Variants in SCN8A observed in about 807,000 individuals in gnomAD.
SCN8A encodes the protein sodium voltage-gated channel alpha subunit 8, also known as sodium channel protein type 8 subunit alpha.
Under a neutral mutation model 184.1 loss-of-function variants are expected in SCN8A, and 30 were observed. The ratio of observed to expected loss-of-function variants is 0.16; its 90% CI spans 0.12 to 0.22. The LOEUF is 0.22. Among genes scored for constraint, SCN8A ranks in the 10% least tolerant of loss-of-function variants. The probability of loss-of-function intolerance (pLI) is 1.00; values close to 1 mark genes in which losing one functional copy is unlikely to be tolerated. For missense variants in SCN8A, 1,057 were observed against 2,498.9 expected (o/e 0.42, Z 12.30); for synonymous variants, 852 against 907.0 (o/e 0.94, Z 1.09).
chr12:51,677,251 AT>A (rs1005916389), intron 2 of SCN8A, among the ~76,000 whole-genome samples: 12 of 151,326 alleles, frequency 7.9e-5, no homozygotes, highest in African/African-American at 2.9e-4. Flanking sequence ...TTCCCAGCAA[AT>A]TTTTTTTATT....
Position 51,706,511 on chromosome 12 carries a change from T to A in SCN8A, c.1431T>A (p.Ser477=), listed in dbSNP as rs746262411. 5.6e-6 allele frequency: 9 copies of A among 1,605,338 alleles called. No homozygotes were observed. In the African/African-American group the frequency reaches 1.2e-4, roughly 21 times the overall value. The change falls in exon 11 of 27, where the codon TCT becomes TCA. Residue 477 remains serine (S), a synonymous_variant. Transcript: ENST00000627620. ...GEEGGGSPRS[S]SEISKLSSKS... Reference sequence around the variant, plus strand: ...AAGGAGGGGGCTCCCCTCGGAGCTCTTCTGAAATCTCTAAACTCAGCTCAA... The same window carrying A: ...AAGGAGGGGGCTCCCCTCGGAGCTCATCTGAAATCTCTAAACTCAGCTCAA...
At chr12:51,780,561 C>CTTTTTTTTTTTTTTTTTT (rs1565923413) in intron 20 of SCN8A, 88 bp from the exon 21 acceptor site, 2 of 457,856 alleles carry the variant, frequency 4.4e-6, no homozygotes, top group Admixed American at 2.3e-4. Flanking sequence ...CCTCTGTTTT[C>CTTTTTTTTTTTTTTTTTT]TTTCTTTTTT....
chr12:51,777,451 A>G (rs1161136066), intron 20 of SCN8A, among the ~76,000 whole-genome samples: 5 of 151,812 alleles, frequency 3.3e-5, no homozygotes, highest in Admixed American at 6.6e-5. Context: ...ATGTCTCCTC[A>G]ATTCCTTTTT....
intron 14 of SCN8A, among the ~76,000 whole-genome samples, chr12:51,756,084 C>G (rs1592145051): frequency 6.6e-6 from 1 of 152,222 alleles, no homozygotes. Flanking sequence ...CACAGTAGGC[C>G]TTCGCCTGCA....
Position 51,807,838 on chromosome 12 carries a change from A to G in SCN8A, c.*409A>G. On this transcript the variant is annotated 3_prime_UTR_variant, in exon 27 of 27. Coordinates refer to ENST00000627620, the MANE Select transcript of SCN8A (RefSeq NM_001330260.2). The surrounding 1 kb of genome is among the most constrained non-coding windows in gnomAD (Gnocchi z 4.5). The stretch of plus-strand genomic sequence containing the variant: ...CTTTAAAAGTTCGTTTGTTCATGCA[A>G]ACTATATTTGCATTCTTACATTAGT... The G allele has an allele frequency of 4.3e-6, 1 of 230,494 alleles. No homozygotes were observed. The highest frequency in any genetic ancestry group is 1.1e-4 in the East Asian group (1 of 9,498). The allele number at this position is 230,494 out of a possible 1,614,324, so 14.3% of individuals were successfully genotyped here.
At chr12:51,666,724 A>G (rs1170328459) in intron 2 of SCN8A, among the ~76,000 whole-genome samples, 5 of 152,158 alleles carry the variant, frequency 3.3e-5, no homozygotes, top group Non-Finnish European at 7.3e-5. Context: ...CCTAGTGGGT[A>G]AGAGAGAACT....
At chr12:51,668,662 ATCTTC>A (rs1353433493) in intron 2 of SCN8A, among the ~76,000 whole-genome samples, 1 of 152,096 alleles carries the variant, frequency 6.6e-6, no homozygotes, top group Non-Finnish European at 1.5e-5. Context: ...CCTGTATTGT[ATCTTC>A]TCAAGTCAAG....
In SCN8A at chr12:51,654,628, C is replaced by T. The variant is rs971692437; in HGVS notation, c.-54-8136C>T. ...AGTTTTGATATCAGGAAATGTGAGT[C>T]CTCCAACTTTGTTTTTTTTCAAGTA... On this transcript the variant is annotated intron_variant, in intron 1 of 26. Transcript: ENST00000627620. Among the ~76,000 whole-genome samples, 23 of 151,916 alleles carry T rather than the reference C, an allele frequency of 1.5e-4. 1 individual carries two copies.
chr12:51,781,381 G>A (rs1937916151), intron 21 of SCN8A, among the ~76,000 whole-genome samples: 1 of 152,118 alleles, frequency 6.6e-6, no homozygotes. Context: ...CTGTCTGATA[G>A]CAAAGCTTTT....
intron 12 of SCN8A, among the ~76,000 whole-genome samples, chr12:51,730,332 T>C (rs1942220011): frequency 6.6e-6 from 1 of 152,196 alleles, no homozygotes; most frequent in Non-Finnish European, 1.5e-5. Context: ...CAAAAATCAA[T>C]TGATGTATAT....
chr12:51,745,608 T>C (rs1464230145), intron 12 of SCN8A, among the ~76,000 whole-genome samples: 1 of 152,236 alleles, frequency 6.6e-6, no homozygotes, highest in Non-Finnish European at 1.5e-5. Flanking sequence ...CAGGAGGATC[T>C]GGTCTTTCTA....
At chr12:51,643,615 T>A (rs1361526369) in intron 1 of SCN8A, among the ~76,000 whole-genome samples, 1 of 152,234 alleles carries the variant, frequency 6.6e-6, no homozygotes, top group East Asian at 1.9e-4. Context: ...TGTATAATAG[T>A]TTAGAGCCAT....
rs114972289 is a variant in SCN8A, at chr12:51,670,750, A to G, written c.276+7657A>G. Reference sequence around the variant, plus strand: ...TCTGAGTTACAGTGGTGGGAGTGGAAATTAAGGGGATTGGATGAATTCAAT... The same window carrying G: ...TCTGAGTTACAGTGGTGGGAGTGGAGATTAAGGGGATTGGATGAATTCAAT... On this transcript the variant is annotated intron_variant, in intron 2 of 26. Coordinates refer to ENST00000627620, the MANE Select transcript of SCN8A (RefSeq NM_001330260.2). Among the ~76,000 whole-genome samples, 626 of 152,270 alleles carry G rather than the reference A, an allele frequency of 4.1e-3. 5 individuals carry two copies. Among genetic ancestry groups the G allele is most frequent in the African/African-American group, 0.014 (602 of 41,546 alleles).
At chr12:51,684,107 A>AATCATTGT in intron 2 of SCN8A, 67 bp from the exon 3 acceptor site, 1 of 834,368 alleles carries the variant, frequency 1.2e-6, no homozygotes, top group East Asian at 2.4e-5. Context: ...CTTACCTAGA[A>AATCATTGT]ATCATTGTTT....
At position 51,807,243 on chromosome 12, in the gene SCN8A, G is replaced by A. The variant is rs757755387; in HGVS notation, c.5757G>A (p.Lys1919=). ...HLARRGFICK[K]TTSNKLENGG... ...CAAGGCGGGGCTTCATCTGCAAAAA[G>A]ACAACTTCTAATAAGCTGGAGAATG... is the stretch of plus-strand genomic sequence containing the variant. Residue 1919 remains lysine (K), a synonymous_variant, in exon 27 of 27, where the codon AAG becomes AAA. Transcript: ENST00000627620. This position sits in a 1 kb window ranked among gnomAD's most constrained non-coding sequence, Gnocchi z 4.5. 6.2e-7 allele frequency: 1 copy of A among 1,613,980 alleles called. No individual in the cohort carries two copies. The highest frequency in any genetic ancestry group is 8.5e-7 in the Non-Finnish European group (1 of 1,179,890).
chr12:51,755,250 T>C (rs1942656468), intron 14 of SCN8A, among the ~76,000 whole-genome samples: 1 of 152,210 alleles, frequency 6.6e-6, no homozygotes, highest in Admixed American at 6.5e-5. Context: ...TTCATTCAGA[T>C]TTTGATTTCT....
rs139480946 is a variant in SCN8A, at chr12:51,741,947, G to A, written c.1999-3956G>A. Among the ~76,000 whole-genome samples the A allele has an allele frequency of 6.0e-3, 920 of 152,096 alleles. 7 individuals carry two copies. The highest frequency in any genetic ancestry group is 0.019 in the African/African-American group (787 of 41,484). On this transcript the variant is annotated intron_variant, in intron 12 of 26. Transcript: ENST00000627620. ...TCAAACTTCTGACCTCAGGTGATCCGCCCACCTCGACCTCCTAGAGTGCTG... is the reference window on the plus strand; with the variant it reads ...TCAAACTTCTGACCTCAGGTGATCCACCCACCTCGACCTCCTAGAGTGCTG...
chr12:51,762,756 T>C, intron 15 of SCN8A, 80 bp downstream of exon 15: 1 of 1,285,864 alleles, frequency 7.8e-7, no homozygotes, highest in East Asian at 2.8e-5. Context: ...ATTAATTTGA[T>C]GATTTAAAAA....
At chr12:51,687,430 A>T (rs544910989) in intron 5 of SCN8A, among the ~76,000 whole-genome samples, 1 of 152,158 alleles carries the variant, frequency 6.6e-6, no homozygotes, top group Non-Finnish European at 1.5e-5. Context: ...ATGTGGGAGA[A>T]GGCAAGCAGA....
Sources: allele counts gnomAD v4.1 joint callset (sites outside exome capture counted in the v4.1 genomes callset), GRCh38; gene constraint gnomAD v4.1.1; non-coding constraint Gnocchi (gnomAD v3.1); transcripts MANE v1.5; gene names NCBI Gene and HGNC (gene_info 2026-07-23, HGNC 2026-07-21).